Variants in DCC observed in about 807,000 individuals in gnomAD.
DCC encodes DCC netrin 1 receptor.
DCC carries 58 observed loss-of-function variants against 172.5 expected under a neutral mutation model. That is an observed-to-expected ratio of 0.34 (90% CI 0.27 to 0.42). The LOEUF is 0.42. DCC is among the 10% of genes least tolerant of loss of function. The pLI is 1.00. For missense variants in DCC, 1,740 were observed against 1,791.0 expected (o/e 0.97, Z 0.51); for synonymous variants, 709 against 644.5 (o/e 1.10, Z -1.52).
intron 5 of DCC, among the ~76,000 whole-genome samples, chr18:53,022,544 C>CGTGTGT (rs10686492): frequency 3.5e-5 from 3 of 85,682 alleles, no homozygotes; most frequent in South Asian, 4.0e-4. Context: ...TATATATGTG[C>CGTGTGT]GTGTGTGTGT....
intron 1 of DCC, among the ~76,000 whole-genome samples, chr18:52,656,056 A>ATGTG (rs775616077): frequency 7.1e-6 from 1 of 141,444 alleles, no homozygotes; most frequent in African/African-American, 2.7e-5. Context: ...ATATGTATAT[A>ATGTG]TGTGTATATA....
intron 7 of DCC, among the ~76,000 whole-genome samples, chr18:53,092,452 T>A (rs1208595539): frequency 6.6e-6 from 1 of 152,222 alleles, no homozygotes; most frequent in African/African-American, 2.4e-5. Flanking sequence ...ATGGACTTTA[T>A]AAAGCAAGCA....
intron 22 of DCC, among the ~76,000 whole-genome samples, chr18:53,437,860 G>A (rs748060276): frequency 5.3e-5 from 8 of 152,150 alleles, no homozygotes; most frequent in Non-Finnish European, 8.8e-5. Flanking sequence ...AGCTATGGGC[G>A]CAAACTGAAG....
At chr18:52,883,290 TTTG>T (rs920116689) in intron 2 of DCC, among the ~76,000 whole-genome samples, 2 of 151,884 alleles carry the variant, frequency 1.3e-5, no homozygotes, top group African/African-American at 4.8e-5. Flanking sequence ...TTCCTGTCAC[TTTG>T]TTATTTGTTT....
intron 13 of DCC, among the ~76,000 whole-genome samples, chr18:53,310,020 A>G (rs2057248040): frequency 1.3e-5 from 2 of 150,148 alleles, no homozygotes; most frequent in Non-Finnish European, 3.0e-5. Flanking sequence ...AAAAAGAGTT[A>G]ATGAACAGCA....
At chr18:53,202,837 A>G (rs564070260) in intron 9 of DCC, among the ~76,000 whole-genome samples, 4 of 152,318 alleles carry the variant, frequency 2.6e-5, no homozygotes, top group African/African-American at 9.6e-5. Flanking sequence ...AGACAGAGAC[A>G]CATTCAAAAT....
chr18:52,724,424 C>T (rs972216308), intron 1 of DCC, among the ~76,000 whole-genome samples: 1 of 152,164 alleles, frequency 6.6e-6, no homozygotes, highest in Admixed American at 6.5e-5. Context: ...GCTGAGATTA[C>T]AGGTGTGAGT....
At chr18:52,568,909 G>A (rs1486443237) in intron 1 of DCC, among the ~76,000 whole-genome samples, 1 of 151,888 alleles carries the variant, frequency 6.6e-6, no homozygotes, top group Admixed American at 6.6e-5. Flanking sequence ...ACTAATTATG[G>A]GATTGTCTTG....
intron 9 of DCC, among the ~76,000 whole-genome samples, chr18:53,182,797 C>T (rs536601140): frequency 8.5e-5 from 13 of 152,196 alleles, no homozygotes; most frequent in African/African-American, 3.1e-4. Context: ...CTTTCCTTTC[C>T]TTTCCCATTC....
intron 1 of DCC, among the ~76,000 whole-genome samples, chr18:52,518,099 G>C (rs1455150466): frequency 6.6e-6 from 1 of 151,952 alleles, no homozygotes; most frequent in African/African-American, 2.4e-5. Flanking sequence ...AAAAATCTTT[G>C]ATACCTTATA....
chr18:52,976,525 CAT>C (rs1248387467), intron 5 of DCC, among the ~76,000 whole-genome samples: 1 of 152,184 alleles, frequency 6.6e-6, no homozygotes, highest in African/African-American at 2.4e-5. Flanking sequence ...CAAATGCAAT[CAT>C]ATATGAGGTT....
intron 1 of DCC, among the ~76,000 whole-genome samples, chr18:52,594,286 G>A (rs1034633852): frequency 2.6e-5 from 4 of 152,150 alleles, no homozygotes; most frequent in African/African-American, 4.8e-5. Context: ...TCCATCATTA[G>A]TATTATTCAG....
chr18:53,514,676 C>T lies in DCC; in HGVS notation c.4112-11941C>T, dbSNP rs376611611. Among the ~76,000 whole-genome samples the T allele has an allele frequency of 9.9e-5, 15 of 152,092 alleles. 1 individual carries two copies. In the East Asian group the frequency reaches 1.7e-3, roughly 18 times the overall value. On this transcript the variant is annotated intron_variant, in intron 27 of 28. Coordinates refer to ENST00000442544, the MANE Select transcript of DCC (RefSeq NM_005215.4). ...TCAGAGAATACTACAAACACCTCTA[C>T]ACAAATAAACTAGAAAATCTAGAAG...
intron 3 of DCC, among the ~76,000 whole-genome samples, chr18:52,914,960 A>G (rs898301428): frequency 3.3e-5 from 5 of 152,166 alleles, no homozygotes; most frequent in African/African-American, 1.2e-4. Flanking sequence ...CCATGGAGGC[A>G]GGAATTTAAT....
Position 53,086,409 on chromosome 18 carries a change from C to A in DCC, c.1261+20243C>A. Among the ~76,000 whole-genome samples the A allele has an allele frequency of 5.4e-5, 2 of 37,130 alleles. 1 individual carries two copies. The highest frequency in any genetic ancestry group is 8.6e-4 in the East Asian group (2 of 2,326). 24.4% of individuals were successfully genotyped at this position (37,130 alleles called of 152,430 possible). On this transcript the variant is annotated intron_variant, in intron 7 of 28. Coordinates refer to ENST00000442544, the MANE Select transcript of DCC (RefSeq NM_005215.4). ...TTCTTCTTCTTCTTCTTCCTTTCTT[C>A]TTCTTCTTCTTCTTCTTCCTTTCTT...
chr18:53,485,188 G>A (rs2045886714), intron 25 of DCC, among the ~76,000 whole-genome samples: 1 of 152,068 alleles, frequency 6.6e-6, no homozygotes, highest in South Asian at 2.1e-4. Context: ...CGATAGATAT[G>A]TTAATCTACT....
intron 1 of DCC, among the ~76,000 whole-genome samples, chr18:52,375,889 C>T (rs749002101): frequency 1.5e-4 from 23 of 152,158 alleles, no homozygotes; most frequent in Non-Finnish European, 2.6e-4. Flanking sequence ...ATCAGGATAG[C>T]TGTTGGGGTG....
At chr18:52,937,131 C>T (rs2040392370) in intron 5 of DCC, among the ~76,000 whole-genome samples, 1 of 151,972 alleles carries the variant, frequency 6.6e-6, no homozygotes, top group Admixed American at 6.6e-5. Flanking sequence ...CACATTCCAC[C>T]CGTGGTATAT....
chr18:53,241,042 G>A lies in DCC; in HGVS notation c.1911+25445G>A, dbSNP rs557036647. 7.2e-5 allele frequency among the ~76,000 whole-genome samples: 11 copies of A among 152,206 alleles called. No homozygotes were observed. In the East Asian group the frequency reaches 9.7e-4, roughly 13 times the overall value. On this transcript the variant is annotated intron_variant, in intron 12 of 28. Transcript: ENST00000442544. ...AATATTACTTACCTTCTTGGTAACCGAGATCTTTGAGCTTCTGAAAGGACC... is the reference window on the plus strand; with the variant it reads ...AATATTACTTACCTTCTTGGTAACCAAGATCTTTGAGCTTCTGAAAGGACC...
Sources: gnomAD v4.1 joint callset for allele counts (sites outside exome capture counted in the v4.1 genomes callset) on GRCh38, gnomAD v4.1.1 for gene constraint, MANE v1.5 for transcripts, NCBI Gene and HGNC (gene_info 2026-07-23, HGNC 2026-07-21) for gene names.